The following NR1H2 variants were observed in gnomAD, a reference collection of about 807,000 sequenced individuals.
NR1H2 encodes the protein nuclear receptor subfamily 1 group H member 2, also known as oxysterols receptor LXR-beta.
NR1H2 carries 33 observed loss-of-function variants against 51.2 expected under a neutral mutation model. That is an observed-to-expected ratio of 0.64 (90% CI 0.49 to 0.86). The LOEUF (loss-of-function observed/expected upper bound fraction) is 0.86. Among genes scored for constraint, NR1H2 ranks in the 40% least tolerant of loss-of-function variants. NR1H2 has a pLI of 0.00. For synonymous variants in NR1H2, 310 were observed against 264.3 expected (o/e 1.17, Z -1.68); for missense variants, 592 against 639.9 (o/e 0.93, Z 0.81).
chr19:50,382,512 C>T lies in NR1H2; in HGVS notation c.1293C>T (p.Ser431=), dbSNP rs1227023093. 6.2e-6 allele frequency: 10 copies of T among 1,610,868 alleles called. No homozygotes were observed. The highest frequency in any genetic ancestry group is 2.2e-5 in the East Asian group (1 of 44,844). ...AGCTGGTGAGCCTGCGCACGCTGAG[C>T]TCTGTGCACTCGGAGCAGGTCTTCG... ...LMKLVSLRTL[S]SVHSEQVFAL... The change falls in exon 10 of 10, where the codon AGC becomes AGT. Residue 431 remains serine (S), a synonymous_variant. Transcript: ENST00000253727.
rs199660328 is a variant in NR1H2, at chr19:50,378,629, G to C, written c.580G>C (p.Ala194Pro). 2.1e-4 allele frequency: 332 copies of C among 1,614,064 alleles called. 2 individuals are homozygous for C. The African/African-American group carries it at 4.1e-3, about 20-fold the overall frequency. ...GGGGCCGCAGGGCAGCAGCAGCTCA[G>C]CCTCTGGGCCTGGGGCTTCCCCTGG... ...PVGPQGSSSS[A>P]SGPGASPGGS... The change falls in exon 6 of 10, where the codon GCC (alanine) becomes CCC (proline). Residue 194 changes from alanine (A) to proline (P), a missense_variant. Coordinates refer to ENST00000253727, the MANE Select transcript of NR1H2 (RefSeq NM_007121.7).
chr19:50,380,634 T>C (rs776447714), intron 8 of NR1H2, among the ~76,000 whole-genome samples: 18 of 151,912 alleles, frequency 1.2e-4, no homozygotes, highest in Non-Finnish European at 2.6e-4. Flanking sequence ...GTAACCCTTT[T>C]AGTATGAGCT....
Position 50,377,380 on chromosome 19 carries a change from C to G in NR1H2, c.-19-207C>G, listed in dbSNP as rs2037683751. The G allele has an allele frequency of 6.0e-6, 3 of 497,238 alleles. No individual in the cohort carries two copies. The South Asian group carries it at 9.5e-5, about 16-fold the overall frequency. 30.8% of individuals were successfully genotyped at this position (497,238 alleles called of 1,614,324 possible). On this transcript the variant is annotated intron_variant, in intron 2 of 9. Transcript: ENST00000253727. ...CTACAGCAGGGGCGGGGCTTAAGAC[C>G]AAGCTGAAGGCTGGCGTGGAACAGA...
In NR1H2 at chr19:50,378,692, G is replaced by A. The variant is rs140558724; in HGVS notation, c.643G>A (p.Glu215Lys). Reference protein sequence around the residue: ...EAGSQGSGEGEGVQLTAAQEL... With the variant: ...EAGSQGSGEGKGVQLTAAQEL... ...AGGCAGCCAGGGCTCCGGGGAAGGC[G>A]AGGGTGTCCAGCTAACAGCGGCTCA... Residue 215 changes from glutamate (E) to lysine (K), a missense_variant, in exon 6 of 10, where the codon GAG becomes AAG. Glu to Lys is a moderately conservative substitution (Grantham distance 56). This residue lies in a region of NR1H2 where 316 missense variants were observed against 313.4 expected (regional missense o/e 1.01). Transcript: ENST00000253727. 1.2e-5 allele frequency: 20 copies of A among 1,613,768 alleles called. No individual in the cohort carries two copies. In the East Asian group the frequency reaches 2.0e-4, roughly 16 times the overall value.
At position 50,376,779 on chromosome 19, in the gene NR1H2, A is replaced by C. The variant is rs902207975; in HGVS notation, c.-67A>C. The C allele has an allele frequency of 4.6e-5, 7 of 151,806 alleles. No homozygotes were observed. Among genetic ancestry groups the C allele is most frequent in the Admixed American group, 3.3e-4 (5 of 15,250 alleles). 9.4% of individuals were successfully genotyped at this position (151,806 alleles called of 1,614,324 possible). On this transcript the variant is annotated 5_prime_UTR_variant, in exon 2 of 10. Transcript: ENST00000253727. ...CACGAGACCCCCGCGCGCAGCCATG[A>C]GCCCCGCCCCCCGCTGTTGCTTGGA...
chr19:50,382,128 C>A lies in NR1H2; in HGVS notation c.1190C>A (p.Pro397His). The A allele has an allele frequency of 6.5e-7, 1 of 1,543,760 alleles. No homozygotes were observed. The highest frequency in any genetic ancestry group is 8.7e-7 in the Non-Finnish European group (1 of 1,146,736). ...GGCCGCGTGGAGGCGTTGCAGCAGCCCTACGTGGAGGCGCTGCTGTCCTAC... is the reference window on the plus strand; with the variant it reads ...GGCCGCGTGGAGGCGTTGCAGCAGCACTACGTGGAGGCGCTGCTGTCCTAC... The part of the protein sequence containing the change: ...EPGRVEALQQ[P>H]YVEALLSYTR... Residue 397 changes from proline (P) to histidine (H), a missense_variant, in exon 9 of 10, where the codon CCC (proline) becomes CAC (histidine). Transcript: ENST00000253727.
Position 50,382,136 on chromosome 19 carries a change from G to A in NR1H2, c.1198G>A (p.Glu400Lys). Reference protein sequence around the residue: ...RVEALQQPYVEALLSYTRIKR... With the variant: ...RVEALQQPYVKALLSYTRIKR... ...GGAGGCGTTGCAGCAGCCCTACGTG[G>A]AGGCGCTGCTGTCCTACACGCGCAT... Residue 400 changes from glutamate to lysine, a missense_variant, in exon 9 of 10, where the codon GAG becomes AAG. Physicochemically the swap from Glu to Lys is moderately conservative, Grantham distance 56. This residue lies in a region of NR1H2 where 174 missense variants were observed against 174.0 expected (regional missense o/e 1.00). Transcript: ENST00000253727. The A allele has an allele frequency of 6.5e-7, 1 of 1,542,222 alleles. No individual in the cohort carries two copies. Among genetic ancestry groups the A allele is most frequent in the Non-Finnish European group, 8.7e-7 (1 of 1,146,594 alleles).
chr19:50,382,273 G>T, intron 9 of NR1H2, 99 bp downstream of exon 9: 3 of 1,350,816 alleles, frequency 2.2e-6, no homozygotes, highest in Non-Finnish European at 3.0e-6. Flanking sequence ...CCTCCCCTCC[G>T]CAGAGTCTTT....
rs759724929 is a variant in NR1H2, at chr19:50,382,652, T to C, written c.*50T>C. ...CCTTGCCTGACCACCCTCCAGCAGA[T>C]AGACGCCGGCACCCCTTCCTCTTCC... On this transcript the variant is annotated 3_prime_UTR_variant, in exon 10 of 10. Transcript: ENST00000253727. The C allele has an allele frequency of 4.0e-6, 6 of 1,498,714 alleles. No homozygotes were observed. The highest frequency in any genetic ancestry group is 3.5e-6 in the Non-Finnish European group (4 of 1,128,926). The allele number at this position is 1,498,714 out of a possible 1,614,324, so 92.8% of individuals were successfully genotyped here. A position where few individuals can be genotyped will look rare whatever the true frequency, so the allele number is the denominator to read the frequency against.
At chr19:50,377,999 C>G in intron 4 of NR1H2, 129 bp downstream of exon 4, 2 of 1,426,834 alleles carry the variant, frequency 1.4e-6, no homozygotes, top group South Asian at 1.4e-5. Context: ...ACATATACAT[C>G]TTTCTAAATT....
chr19:50,378,848 A>T, intron 6 of NR1H2, 52 bp downstream of exon 6: 1 of 1,585,006 alleles, frequency 6.3e-7, no homozygotes. Flanking sequence ...GGGTAGAGCC[A>T]GCTGGGCCAT....
intron 4 of NR1H2, 99 bp from the exon 5 acceptor site, chr19:50,378,050 C>T: frequency 7.0e-7 from 1 of 1,425,570 alleles, no homozygotes; most frequent in Non-Finnish European, 9.5e-7. Flanking sequence ...TCTCTCCCTC[C>T]ATCCTCTGGC....
At chr19:50,379,503 A>G (rs892146195) in intron 7 of NR1H2, among the ~76,000 whole-genome samples, 4 of 152,200 alleles carry the variant, frequency 2.6e-5, no homozygotes, top group African/African-American at 9.7e-5. Flanking sequence ...TGGGGCAAAG[A>G]ACAAAGCAGA....
At chr19:50,380,674 C>T (rs2037751790) in intron 8 of NR1H2, among the ~76,000 whole-genome samples, 1 of 152,142 alleles carries the variant, frequency 6.6e-6, no homozygotes, top group Non-Finnish European at 1.5e-5. Context: ...GGAAGCGTTT[C>T]TGGCAGAGGA....
intron 6 of NR1H2, 73 bp from the exon 7 acceptor site, chr19:50,378,929 C>T: frequency 1.3e-6 from 2 of 1,552,506 alleles, no homozygotes; most frequent in Admixed American, 1.8e-5. Context: ...AGGGTGCAGG[C>T]TTGGCCTCAA....
chr19:50,376,923 G>C (rs916693755), intron 2 of NR1H2, 97 bp downstream of exon 2: 2 of 148,728 alleles, frequency 1.3e-5, no homozygotes, highest in African/African-American at 5.0e-5. Context: ...GGGCATGAAG[G>C]GAGGAGGCGG....
At chr19:50,380,580 C>T (rs140041113) in intron 8 of NR1H2, among the ~76,000 whole-genome samples, 66 of 152,320 alleles carry the variant, frequency 4.3e-4, no homozygotes, top group Middle Eastern at 6.8e-3. Context: ...CCACCCTCTC[C>T]CCTTCCTCTT....
rs2037735753 is a variant in NR1H2, at chr19:50,379,769, G to A, written c.928-11G>A. The stretch of plus-strand genomic sequence containing the variant: ...CAGGGCTCAAGCTCCCCCTCCCGCT[G>A]CCGCCCTTAGATCATGCTGCTAGAG... On this transcript the variant is annotated splice_polypyrimidine_tract_variant and intron_variant, in intron 7 of 9. Transcript: ENST00000253727. 1.3e-6 allele frequency: 2 copies of A among 1,596,962 alleles called. No homozygotes were observed. The highest frequency in any genetic ancestry group is 4.5e-5 in the East Asian group (2 of 44,816).
At chr19:50,377,977 GCTTT>G (rs2037696710) in intron 4 of NR1H2, 107 bp downstream of exon 4, 1 of 1,456,492 alleles carries the variant, frequency 6.9e-7, no homozygotes, top group African/African-American at 1.4e-5. Flanking sequence ...TTTTGTTCTT[GCTTT>G]CTCCTTAACA....
Sources: gnomAD v4.1 joint callset for allele counts (sites outside exome capture counted in the v4.1 genomes callset) on GRCh38, gnomAD v4.1.1 for gene constraint, gnomAD v4.1.1 regional missense constraint, MANE v1.5 for transcripts, NCBI Gene and HGNC (gene_info 2026-07-23, HGNC 2026-07-21) for gene names.